KMT2C: variants seen among roughly 807,000 people sequenced by gnomAD.
KMT2C encodes histone-lysine N-methyltransferase 2C.
A neutral mutation model predicts 507.9 loss-of-function variants in KMT2C; 88 were observed. The observed-to-expected ratio is 0.17, with a 90% CI of 0.15 to 0.21. The LOEUF (loss-of-function observed/expected upper bound fraction) is 0.21, where lower values mean the gene tolerates loss of function less well. Among genes scored for constraint, KMT2C ranks in the 10% least tolerant of loss-of-function variants. The pLI is 1.00. For synonymous variants in KMT2C, 2,049 were observed against 2,080.8 expected, an observed-to-expected ratio of 0.98 and a Z score of 0.42; for missense variants, 4,954 against 5,957.8, an observed-to-expected ratio of 0.83 and a Z score of 5.55.
chr7:152,330,419 A>T (rs936818563), intron 3 of KMT2C, among the ~76,000 whole-genome samples, 182 bp downstream of exon 3: 11 of 152,156 alleles, frequency 7.2e-5, no homozygotes, highest in Admixed American at 5.9e-4. Flanking sequence ...CAATTGCCTA[A>T]GCCCACAGAT....
rs1199326789 is a variant in KMT2C, at chr7:152,150,924, T to C, written c.12750A>G (p.Ala4250=). 2 of 1,612,070 alleles carry C rather than the reference T, an allele frequency of 1.2e-6. No homozygotes were observed. The highest frequency in any genetic ancestry group is 3.3e-5 in the Admixed American group (2 of 59,956). The change falls in exon 51 of 59, where the codon GCA becomes GCG. Residue 4250 remains alanine (A), a synonymous_variant. Coordinates refer to ENST00000262189, the MANE Select transcript of KMT2C (RefSeq NM_170606.3). ...NNCFILYSST[A]QAKNSENKES... is the part of the protein sequence containing the mutation. ...CCTTGTTTTCTGAGTTTTTCGCTTG[T>C]GCAGTTGATGAATAAAGAATAAAGC...
intron 1 of KMT2C, among the ~76,000 whole-genome samples, chr7:152,392,864 T>A (rs755949387): frequency 6.6e-6 from 1 of 152,180 alleles, no homozygotes; most frequent in Non-Finnish European, 1.5e-5. Context: ...TTCCTTGTTA[T>A]ATAATAAGCC....
chr7:152,204,922 T>C (rs567916754), intron 25 of KMT2C, among the ~76,000 whole-genome samples, 184 bp downstream of exon 25: 1 of 152,154 alleles, frequency 6.6e-6, no homozygotes, highest in East Asian at 1.9e-4. Flanking sequence ...ATTACAGATA[T>C]GAACTCTATA....
At chr7:152,306,352 C>A (rs2129196528) in intron 6 of KMT2C, among the ~76,000 whole-genome samples, 1 of 152,286 alleles carries the variant, frequency 6.6e-6, no homozygotes, top group South Asian at 2.1e-4. Context: ...GACAAATATA[C>A]TCTGAGAAGT....
chr7:152,184,647 C>G lies in KMT2C; in HGVS notation c.5082+911G>C, dbSNP rs1286557858. On this transcript the variant is annotated intron_variant, in intron 34 of 58. Coordinates refer to ENST00000262189, the MANE Select transcript of KMT2C (RefSeq NM_170606.3). The stretch of plus-strand genomic sequence containing the variant: ...GTCTCCAAATTTAGTACAGTTGTCC[C>G]TCTGTATCCATGGGGTATTGGTTCC... Among the ~76,000 whole-genome samples the G allele has an allele frequency of 2.0e-5, 3 of 152,232 alleles. No homozygotes were observed. In the East Asian group the frequency reaches 5.8e-4, roughly 29 times the overall value.
At chr7:152,347,120 G>A (rs2097067686) in intron 2 of KMT2C, among the ~76,000 whole-genome samples, 1 of 151,898 alleles carries the variant, frequency 6.6e-6, no homozygotes, top group East Asian at 1.9e-4. Context: ...AAAAGGAAAA[G>A]GAAAGAAAAG....
At chr7:152,408,496 C>G (rs1195433988) in intron 1 of KMT2C, among the ~76,000 whole-genome samples, 1 of 152,226 alleles carries the variant, frequency 6.6e-6, no homozygotes, top group Non-Finnish European at 1.5e-5. Context: ...TGTTGGGAAC[C>G]AGGCCACACA....
chr7:152,348,599 T>TAAAAAAAAAAAAAAAAAAAAAAAA (rs201530125), intron 2 of KMT2C, among the ~76,000 whole-genome samples: 4 of 49,002 alleles, frequency 8.2e-5, no homozygotes, highest in Non-Finnish European at 8.9e-5. Context: ...AACTCTGTCT[T>TAAAAAAAAAAAAAAAAAAAAAAAA]AAAAAAAAAA....
intron 6 of KMT2C, among the ~76,000 whole-genome samples, chr7:152,295,792 C>T (rs565370955): frequency 1.3e-5 from 2 of 152,270 alleles, no homozygotes; most frequent in East Asian, 1.9e-4. Context: ...CTCGGCTGGG[C>T]GCAGTGGCTC....
intron 6 of KMT2C, among the ~76,000 whole-genome samples, chr7:152,290,312 T>A (rs2096405594): frequency 1.9e-5 from 2 of 106,940 alleles, no homozygotes; most frequent in Admixed American, 1.0e-4. Context: ...TTTTTTTTTT[T>A]TTTTTTTTTT....
intron 6 of KMT2C, among the ~76,000 whole-genome samples, chr7:152,275,251 A>G (rs2096060902): frequency 6.6e-6 from 1 of 152,196 alleles, no homozygotes. Flanking sequence ...AAAGAAAGAG[A>G]TACAAAAATT....
At chr7:152,372,679 T>C (rs1322881482) in intron 1 of KMT2C, among the ~76,000 whole-genome samples, 1 of 152,198 alleles carries the variant, frequency 6.6e-6, no homozygotes, top group African/African-American at 2.4e-5. Context: ...CATTTATAAA[T>C]ATATATACAT....
At chr7:152,426,482 CCA>C (rs1206919835) in intron 1 of KMT2C, among the ~76,000 whole-genome samples, 1 of 151,966 alleles carries the variant, frequency 6.6e-6, no homozygotes, top group East Asian at 1.9e-4. Flanking sequence ...AGCAATCCTC[CCA>C]CCTTTGCTTC....
At chr7:152,233,799 A>AGAC (rs750858778) in intron 16 of KMT2C, among the ~76,000 whole-genome samples, 6 of 152,202 alleles carry the variant, frequency 3.9e-5, no homozygotes, top group South Asian at 4.1e-4. Flanking sequence ...ATGCAAGGAG[A>AGAC]GACAGATAAC....
intron 34 of KMT2C, among the ~76,000 whole-genome samples, chr7:152,184,132 A>T (rs937975743): frequency 6.6e-6 from 1 of 151,808 alleles, no homozygotes; most frequent in Non-Finnish European, 1.5e-5. Flanking sequence ...CTTAAAAAAA[A>T]AAAAATCTGG....
rs13244672 is a variant in KMT2C at position 152,259,446 on chromosome 7, G to A, written c.1299+3570C>T. On this transcript the variant is annotated intron_variant, in intron 9 of 58. Transcript: ENST00000262189. ...GACAAAAACACAGACACACACACGCGCACACACACACACACACACACACAC... is the reference window on the plus strand; with the variant it reads ...GACAAAAACACAGACACACACACGCACACACACACACACACACACACACAC... 2.0e-3 allele frequency among the ~76,000 whole-genome samples: 274 copies of A among 134,780 alleles called. 1 individual carries two copies. The highest frequency in any genetic ancestry group is 5.9e-3 in the South Asian group (23 of 3,906). 88.4% of individuals were successfully genotyped at this position (134,780 alleles called of 152,430 possible).
chr7:152,201,057 T>C (rs2094121132), intron 26 of KMT2C, among the ~76,000 whole-genome samples: 1 of 152,196 alleles, frequency 6.6e-6, no homozygotes. Flanking sequence ...TTAGAGGTCA[T>C]TTATTTAATG....
intron 26 of KMT2C, 103 bp from the exon 27 acceptor site, chr7:152,199,562 G>T (rs2094070866): frequency 1.6e-6 from 1 of 640,650 alleles, no homozygotes; most frequent in South Asian, 2.8e-5. Flanking sequence ...AACAGAAAAG[G>T]TTTATATTTA....
intron 31 of KMT2C, among the ~76,000 whole-genome samples, chr7:152,188,081 G>C (rs1053958810): frequency 4.6e-5 from 7 of 152,094 alleles, no homozygotes; most frequent in African/African-American, 1.4e-4. Flanking sequence ...CTCAGATTTT[G>C]GTTATACCTG....
Sources: allele counts gnomAD v4.1 joint callset (sites outside exome capture counted in the v4.1 genomes callset), GRCh38; gene constraint gnomAD v4.1.1; transcripts MANE v1.5; gene names NCBI Gene and HGNC (gene_info 2026-07-23, HGNC 2026-07-21).